The following ZFAND6 variants were observed in gnomAD, a reference collection of about 807,000 sequenced individuals.
ZFAND6 encodes the protein zinc finger AN1-type containing 6, also known as AN1-type zinc finger protein 6.
Under a neutral mutation model 24.5 loss-of-function variants are expected in ZFAND6, and 12 were observed. That is an observed-to-expected ratio of 0.49 (90% CI 0.31 to 0.79). The LOEUF is 0.79. Among genes scored for constraint, ZFAND6 ranks in the 30% least tolerant of loss-of-function variants. The pLI, the probability that ZFAND6 is intolerant of heterozygous loss-of-function variation, is 0.04. For missense variants in ZFAND6, 207 were observed against 245.9 expected (o/e 0.84, Z 1.06); for synonymous variants, 92 against 81.5 (o/e 1.13, Z -0.69).
chr15:80,064,357 C>CTATA (rs1007786852), intron 1 of ZFAND6, among the ~76,000 whole-genome samples: 6 of 151,838 alleles, frequency 4.0e-5, no homozygotes. Context: ...CCAGCATTAT[C>CTATA]TGTCTATCCA....
chr15:80,105,100 C>A lies in ZFAND6; in HGVS notation c.-18+6522C>A, dbSNP rs74025985. The stretch of plus-strand genomic sequence containing the variant: ...TTATTCTAAGATCATTTCCCACTAT[C>A]CTGTAGTCTAGGCACACAGAAGTCT... On this transcript the variant is annotated intron_variant, in intron 2 of 6. Transcript: ENST00000261749. Among the ~76,000 whole-genome samples the A allele has an allele frequency of 5.7e-3, 861 of 152,298 alleles. 9 individuals are homozygous for A. Among genetic ancestry groups the A allele is most frequent in the African/African-American group, 0.02 (811 of 41,556 alleles).
chr15:80,081,574 A>G (rs1162689571), intron 1 of ZFAND6, among the ~76,000 whole-genome samples: 1 of 152,242 alleles, frequency 6.6e-6, no homozygotes, highest in Non-Finnish European at 1.5e-5. Flanking sequence ...GAAGTGAGGT[A>G]CAGTAACAGC....
intron 3 of ZFAND6, 38 bp from the exon 4 acceptor site, chr15:80,121,674 A>G (rs1158371931): frequency 3.9e-6 from 6 of 1,534,434 alleles, no homozygotes; most frequent in African/African-American, 1.4e-5. Flanking sequence ...ACTGCTGAGC[A>G]TATAGAATCA....
At chr15:80,135,690 C>T (rs2040829774) in intron 6 of ZFAND6, among the ~76,000 whole-genome samples, 1 of 152,196 alleles carries the variant, frequency 6.6e-6, no homozygotes, top group African/African-American at 2.4e-5. Context: ...AATCCCAGCA[C>T]TTGGGAGGCC....
At position 80,121,040 on chromosome 15, in the gene ZFAND6, G is replaced by T. The variant is rs527825748; in HGVS notation, c.154+542G>T. ...GAGGTGGTCTTTTGTTTCAGTAGTT[G>T]TATAAGAAGGATCATGCGGATTCCA... is the stretch of plus-strand genomic sequence containing the variant. On this transcript the variant is annotated intron_variant, in intron 3 of 6. Transcript: ENST00000261749. 8.5e-5 allele frequency among the ~76,000 whole-genome samples: 13 copies of T among 152,300 alleles called. No homozygotes were observed. In the East Asian group the frequency reaches 2.1e-3, roughly 25 times the overall value.
chr15:80,085,926 CTCT>C (rs2037972784), intron 1 of ZFAND6, among the ~76,000 whole-genome samples: 1 of 152,126 alleles, frequency 6.6e-6, no homozygotes, highest in African/African-American at 2.4e-5. Context: ...GTGTATTACT[CTCT>C]TCGTCTCCAG....
At chr15:80,059,425 A>C (rs2036202449), upstream of ZFAND6, 1 of 152,214 alleles carries the variant, frequency 6.6e-6, no homozygotes, top group Admixed American at 6.5e-5. Context: ...GGAGCAAGGG[A>C]CACTGGAGGT....
At chr15:80,131,085 C>T in intron 5 of ZFAND6, 95 bp from the exon 6 acceptor site, 1 of 893,406 alleles carries the variant, frequency 1.1e-6, no homozygotes, top group Non-Finnish European at 1.7e-6. Context: ...ATAAATTCCT[C>T]AGTATCCTCT....
chr15:80,068,711 G>A (rs2036803658), intron 1 of ZFAND6, among the ~76,000 whole-genome samples: 1 of 152,148 alleles, frequency 6.6e-6, no homozygotes, highest in African/African-American at 2.4e-5. Context: ...GTCTGCCTTG[G>A]CCTCTGAAAG....
At chr15:80,134,350 T>G (rs775986795) in intron 6 of ZFAND6, among the ~76,000 whole-genome samples, 1 of 152,152 alleles carries the variant, frequency 6.6e-6, no homozygotes, top group Non-Finnish European at 1.5e-5. Flanking sequence ...AGTTCAGCAC[T>G]GAAGGCGTCG....
At chr15:80,131,060 T>C in intron 5 of ZFAND6, 120 bp from the exon 6 acceptor site, 1 of 669,686 alleles carries the variant, frequency 1.5e-6, no homozygotes, top group Non-Finnish European at 2.4e-6. Context: ...ATTTAATGAC[T>C]AGTTTTCTGT....
chr15:80,098,934 A>C (rs2038883954), intron 2 of ZFAND6, among the ~76,000 whole-genome samples: 1 of 151,968 alleles, frequency 6.6e-6, no homozygotes, highest in Non-Finnish European at 1.5e-5. Context: ...TAATATTTTG[A>C]CCAAACAACC....
At chr15:80,114,498 G>A (rs1054140792) in intron 2 of ZFAND6, among the ~76,000 whole-genome samples, 1 of 151,056 alleles carries the variant, frequency 6.6e-6, no homozygotes, top group Admixed American at 6.6e-5. Flanking sequence ...AAATGTATTA[G>A]GAGGAGGGGC....
chr15:80,127,638 T>G (rs565412376), intron 5 of ZFAND6, among the ~76,000 whole-genome samples: 1 of 145,918 alleles, frequency 6.9e-6, no homozygotes, highest in East Asian at 2.0e-4. Flanking sequence ...TCATTAGATA[T>G]GAGGGAAATG....
At chr15:80,136,387 C>T (rs55770809) in intron 6 of ZFAND6, among the ~76,000 whole-genome samples, 11,030 of 151,822 alleles carry the variant, frequency 0.073, 552 homozygotes, top group Non-Finnish European at 0.11. Flanking sequence ...ATGGCTTGAA[C>T]GCAGGAGGCG....
At chr15:80,069,832 C>T (rs2036873771) in intron 1 of ZFAND6, among the ~76,000 whole-genome samples, 1 of 152,120 alleles carries the variant, frequency 6.6e-6, no homozygotes, top group Non-Finnish European at 1.5e-5. Context: ...TGGTCTTGAA[C>T]TCCTGACCTT....
intron 2 of ZFAND6, among the ~76,000 whole-genome samples, chr15:80,109,396 A>G (rs975440647): frequency 3.3e-5 from 5 of 152,216 alleles, no homozygotes; most frequent in South Asian, 2.1e-4. Context: ...GATGCTGGGG[A>G]CAATTTTAAA....
chr15:80,098,136 G>T (rs1181913414), intron 1 of ZFAND6, among the ~76,000 whole-genome samples: 2 of 152,116 alleles, frequency 1.3e-5, no homozygotes, highest in African/African-American at 4.8e-5. Flanking sequence ...AAGGAAAACA[G>T]AAAAATACCT....
intron 6 of ZFAND6, among the ~76,000 whole-genome samples, chr15:80,132,592 A>G (rs1056018): frequency 0.62 from 93,495 of 152,010 alleles, 29,545 homozygotes; most frequent in Admixed American, 0.72. Context: ...AAAATGCCAC[A>G]CATTTTAATC....
Sources: gnomAD v4.1 joint callset for allele counts (sites outside exome capture counted in the v4.1 genomes callset) on GRCh38, gnomAD v4.1.1 for gene constraint, MANE v1.5 for transcripts, NCBI Gene and HGNC (gene_info 2026-07-23, HGNC 2026-07-21) for gene names.